The following SH3PXD2B variants were observed in gnomAD, a reference collection of about 807,000 sequenced individuals.
SH3PXD2B encodes the protein SH3 and PX domain-containing protein 2B.
Under a neutral mutation model 73.1 loss-of-function variants are expected in SH3PXD2B, and 37 were observed. The observed-to-expected ratio is 0.51, with a 90% CI of 0.39 to 0.67. The LOEUF is 0.67. SH3PXD2B is among the 30% of genes least tolerant of loss of function. The probability of loss-of-function intolerance (pLI) is 0.00; values close to 1 mark genes in which losing one functional copy is unlikely to be tolerated. For synonymous variants in SH3PXD2B, 457 were observed against 480.5 expected (o/e 0.95, Z 0.64); for missense variants, 1,053 against 1,197.8 (o/e 0.88, Z 1.78).
intron 1 of SH3PXD2B, among the ~76,000 whole-genome samples, chr5:172,433,915 G>T (rs1018587493): frequency 6.6e-6 from 1 of 152,082 alleles, no homozygotes; most frequent in African/African-American, 2.4e-5. Flanking sequence ...CTCCTCGCGG[G>T]GTCTAACTCC....
At chr5:172,355,140 G>C (rs13155709) in intron 8 of SH3PXD2B, among the ~76,000 whole-genome samples, 32,189 of 152,258 alleles carry the variant, frequency 0.21, 3,583 homozygotes, top group Middle Eastern at 0.35. Context: ...GCTGTGGCCT[G>C]GTGTCATGGT....
intron 2 of SH3PXD2B, among the ~76,000 whole-genome samples, chr5:172,415,859 G>T (rs1040452855): frequency 6.6e-6 from 1 of 152,168 alleles, no homozygotes; most frequent in Non-Finnish European, 1.5e-5. Flanking sequence ...TAAGACAGAG[G>T]GAAGGACCCG....
intron 1 of SH3PXD2B, among the ~76,000 whole-genome samples, chr5:172,432,037 C>T (rs906998524): frequency 6.6e-5 from 10 of 151,986 alleles, no homozygotes; most frequent in South Asian, 2.1e-4. Flanking sequence ...ATCACCCAGG[C>T]GGGTGGGCGC....
At chr5:172,330,644 T>A (rs1756536096), downstream of SH3PXD2B, among the ~76,000 whole-genome samples, 1 of 152,192 alleles carries the variant, frequency 6.6e-6, no homozygotes, top group Non-Finnish European at 1.5e-5. Context: ...ATTTCCAAAT[T>A]CCTATCGACA....
chr5:172,454,167 G>A (rs1759872661), intron 1 of SH3PXD2B, 111 bp downstream of exon 1: 2 of 780,766 alleles, frequency 2.6e-6, no homozygotes, highest in Non-Finnish European at 3.9e-6. Flanking sequence ...GGGAGAGCAG[G>A]GGAGGAGGGG....
intron 1 of SH3PXD2B, among the ~76,000 whole-genome samples, chr5:172,444,760 C>G (rs1201632939): frequency 6.6e-6 from 1 of 152,170 alleles, no homozygotes; most frequent in Non-Finnish European, 1.5e-5. Flanking sequence ...AAGGGCTCTT[C>G]TACCCACCCC....
At chr5:172,346,060 G>A in intron 12 of SH3PXD2B, 76 bp downstream of exon 12, 2 of 1,608,472 alleles carry the variant, frequency 1.2e-6, no homozygotes, top group Admixed American at 1.7e-5. Context: ...GAAGTAGGAG[G>A]TGACAGGGGA....
chr5:172,414,969 A>T (rs967995547), intron 2 of SH3PXD2B, among the ~76,000 whole-genome samples: 2 of 152,156 alleles, frequency 1.3e-5, no homozygotes, highest in Admixed American at 6.5e-5. Context: ...CCCTGCTCAG[A>T]TGTCACCTCC....
intron 1 of SH3PXD2B, among the ~76,000 whole-genome samples, chr5:172,432,925 AG>A (rs201533837): frequency 0.029 from 2,288 of 78,458 alleles, 14 homozygotes; most frequent in Middle Eastern, 0.043. Flanking sequence ...CAAAAAAAAA[AG>A]GGGGGGGGGG....
chr5:172,355,393 A>AG (rs1474314072), intron 8 of SH3PXD2B, among the ~76,000 whole-genome samples: 3 of 152,100 alleles, frequency 2.0e-5, no homozygotes. Context: ...GGAGGGGTGG[A>AG]GGGAAGAATC....
chr5:172,346,347 T>C (rs1304800445), intron 11 of SH3PXD2B, 86 bp from the exon 12 acceptor site: 4 of 1,598,594 alleles, frequency 2.5e-6, no homozygotes, highest in Non-Finnish European at 3.4e-6. Context: ...GCCTGGGGCA[T>C]GCAATCACCC....
intron 3 of SH3PXD2B, among the ~76,000 whole-genome samples, chr5:172,402,468 C>T (rs1758439362): frequency 6.6e-6 from 1 of 152,156 alleles, no homozygotes; most frequent in African/African-American, 2.4e-5. Flanking sequence ...TCGTACACTC[C>T]CTCCCCTTTT....
intron 1 of SH3PXD2B, among the ~76,000 whole-genome samples, chr5:172,453,480 G>A (rs1013911896): frequency 9.2e-5 from 14 of 152,242 alleles, no homozygotes; most frequent in Non-Finnish European, 1.5e-4. Flanking sequence ...CCACCTGCAG[G>A]TCACCGTCAG....
At chr5:172,385,897 G>A (rs577076124) in intron 4 of SH3PXD2B, among the ~76,000 whole-genome samples, 7 of 152,278 alleles carry the variant, frequency 4.6e-5, no homozygotes, top group Admixed American at 6.5e-5. Context: ...AAAATGACCC[G>A]GGGCTGGAGA....
chr5:172,357,760 T>G (rs1306104078), intron 8 of SH3PXD2B, among the ~76,000 whole-genome samples: 1 of 152,242 alleles, frequency 6.6e-6, no homozygotes, highest in Admixed American at 6.5e-5. Context: ...GATGTTTTAC[T>G]GAGGGGCGTT....
chr5:172,330,514 AC>A (rs1230757159), downstream of SH3PXD2B, among the ~76,000 whole-genome samples: 1 of 152,010 alleles, frequency 6.6e-6, no homozygotes, highest in African/African-American at 2.4e-5. Context: ...GTGTAAGTAA[AC>A]CCCCTCTCAG....
chr5:172,329,623 C>T (rs1054861234), downstream of SH3PXD2B, among the ~76,000 whole-genome samples: 38 of 148,790 alleles, frequency 2.6e-4, no homozygotes, highest in African/African-American at 8.7e-4. Context: ...CTGCAAGCTC[C>T]GCCTTCCGGG....
In SH3PXD2B at chr5:172,353,569, T is replaced by C. The variant is rs985516505; in HGVS notation, c.785+319A>G. The stretch of plus-strand genomic sequence containing the variant: ...GGGCGGGAGGGGGCTGTCACTCACA[T>C]GGGGCAGCTTTGGCCTCCAACTCCT... On this transcript the variant is annotated intron_variant, in intron 9 of 12. Transcript: ENST00000311601. The surrounding 1 kb of genome is among the most constrained non-coding windows in gnomAD (Gnocchi z 4.3). Among the ~76,000 whole-genome samples, 2 of 152,182 alleles carry C rather than the reference T, an allele frequency of 1.3e-5. No homozygotes were observed. The highest frequency in any genetic ancestry group is 4.8e-5 in the African/African-American group (2 of 41,450).
intron 3 of SH3PXD2B, among the ~76,000 whole-genome samples, chr5:172,403,053 C>T (rs774903136): frequency 5.9e-5 from 9 of 152,238 alleles, no homozygotes; most frequent in African/African-American, 1.9e-4. Flanking sequence ...CCATGGGCAG[C>T]GGCCCCGGCC....
Sources: gnomAD v4.1 joint callset for allele counts (sites outside exome capture counted in the v4.1 genomes callset) on GRCh38, gnomAD v4.1.1 for gene constraint, Gnocchi (gnomAD v3.1) non-coding constraint, MANE v1.5 for transcripts, NCBI Gene and HGNC (gene_info 2026-07-23, HGNC 2026-07-21) for gene names.